Variants in SGCD observed in about 807,000 individuals in gnomAD.
SGCD encodes sarcoglycan delta.
In SGCD, 18 loss-of-function variants were observed where a neutral mutation model predicts 36.6. The ratio of observed to expected loss-of-function variants is 0.49; its 90% CI spans 0.34 to 0.73. The LOEUF is 0.73. Among genes scored for constraint, SGCD ranks in the 30% least tolerant of loss-of-function variants. The pLI, the probability that SGCD is intolerant of heterozygous loss-of-function variation, is 0.01. For missense variants in SGCD, 387 were observed against 346.7 expected (o/e 1.12, Z -0.92); for synonymous variants, 133 against 130.6 (o/e 1.02, Z -0.12).
At chr5:156,070,899 A>G (rs1414723935) in intron 1 of SGCD, among the ~76,000 whole-genome samples, 1 of 151,958 alleles carries the variant, frequency 6.6e-6, no homozygotes, top group Non-Finnish European at 1.5e-5. Context: ...TTTCTTCTAG[A>G]TTTTCTAGTT....
intron 3 of SGCD, among the ~76,000 whole-genome samples, chr5:156,286,976 T>C (rs960725641): frequency 2.6e-5 from 4 of 152,108 alleles, no homozygotes; most frequent in African/African-American, 7.2e-5. Context: ...TCTGTGTTAA[T>C]GGACAGATGC....
chr5:156,488,294 G>T (rs1486490961), intron 3 of SGCD, among the ~76,000 whole-genome samples: 1 of 151,726 alleles, frequency 6.6e-6, no homozygotes, highest in Non-Finnish European at 1.5e-5. Context: ...TTTACAAAAG[G>T]TGTAAGCATC....
chr5:156,269,583 A>G, intron 3 of SGCD, among the ~76,000 whole-genome samples: 1 of 148,536 alleles, frequency 6.7e-6, no homozygotes. Flanking sequence ...TGATTCAACT[A>G]CCTCCCACTG....
chr5:156,473,576 C>T (rs77181257), intron 3 of SGCD, among the ~76,000 whole-genome samples: 2,963 of 152,288 alleles, frequency 0.019, 33 homozygotes, highest in Non-Finnish European at 0.032. Context: ...GAACCATAGA[C>T]GAGGGGACTA....
chr5:156,371,650 AC>A (rs1770393113), intron 3 of SGCD, among the ~76,000 whole-genome samples: 1 of 152,174 alleles, frequency 6.6e-6, no homozygotes, highest in Non-Finnish European at 1.5e-5. Context: ...TGCCTTTAGA[AC>A]CACGTTTGTG....
chr5:156,466,285 A>G (rs1281726664), intron 3 of SGCD, among the ~76,000 whole-genome samples: 1 of 152,214 alleles, frequency 6.6e-6, no homozygotes, highest in Non-Finnish European at 1.5e-5. Flanking sequence ...AGGCTTCTAC[A>G]AAGACTCTAG....
chr5:156,603,139 T>C (rs1188264781), intron 6 of SGCD, among the ~76,000 whole-genome samples: 1 of 152,096 alleles, frequency 6.6e-6, no homozygotes, highest in Non-Finnish European at 1.5e-5. Flanking sequence ...TCTGTTCCCA[T>C]TGTCTATTTC....
chr5:156,534,604 G>A (rs891999141), intron 4 of SGCD, among the ~76,000 whole-genome samples: 2 of 152,126 alleles, frequency 1.3e-5, no homozygotes, highest in African/African-American at 4.8e-5. Context: ...CTTGCATCAA[G>A]GTGCTTGTGA....
At chr5:156,333,184 A>T (rs1277873474) in intron 2 of SGCD, among the ~76,000 whole-genome samples, 1 of 152,222 alleles carries the variant, frequency 6.6e-6, no homozygotes, top group Non-Finnish European at 1.5e-5. Flanking sequence ...CACAATTGTC[A>T]AGGGAGAATC....
intron 1 of SGCD, among the ~76,000 whole-genome samples, chr5:155,975,629 T>C (rs1758098711): frequency 1.0e-5 from 1 of 98,578 alleles, no homozygotes; most frequent in Non-Finnish European, 2.0e-5. Context: ...TTTTTTTTTT[T>C]TTTTTTTTTT....
intron 3 of SGCD, among the ~76,000 whole-genome samples, chr5:156,152,725 G>T (rs979728424): frequency 6.6e-6 from 1 of 151,560 alleles, no homozygotes. Flanking sequence ...CTGACTACTA[G>T]AAAGTTTAAA....
chr5:156,197,270 G>A (rs183897043), intron 3 of SGCD, among the ~76,000 whole-genome samples: 2 of 152,112 alleles, frequency 1.3e-5, no homozygotes, highest in South Asian at 2.1e-4. Context: ...ATAATGTTCC[G>A]TTGACACTGC....
chr5:156,697,997 T>G (rs80156653), intron 7 of SGCD, among the ~76,000 whole-genome samples: 1,666 of 152,276 alleles, frequency 0.011, 29 homozygotes, highest in East Asian at 0.046. Flanking sequence ...AATCTTAATT[T>G]TTTTGAGTAG....
intron 6 of SGCD, among the ~76,000 whole-genome samples, chr5:156,605,613 G>A (rs1283676187): frequency 6.6e-6 from 1 of 152,176 alleles, no homozygotes. Flanking sequence ...AGATCCCTGA[G>A]GAATCGCCAC....
chr5:155,861,345 A>G, the SGCD span, among the ~76,000 whole-genome samples: 16 of 152,142 alleles, frequency 1.1e-4, no homozygotes, highest in Admixed American at 1.0e-3. Flanking sequence ...TTTAACTTCC[A>G]GCACCTTGCA....
chr5:156,590,724 A>C (rs1179304396), intron 5 of SGCD, among the ~76,000 whole-genome samples: 1 of 151,900 alleles, frequency 6.6e-6, no homozygotes. Context: ...TATTCAGCAA[A>C]AGAGTGAGTC....
At chr5:156,602,545 G>A (rs988452186) in intron 6 of SGCD, among the ~76,000 whole-genome samples, 17 of 152,188 alleles carry the variant, frequency 1.1e-4, no homozygotes, top group African/African-American at 3.9e-4. Context: ...TGATATTAGA[G>A]GGAACTTCCC....
rs535536003 is a variant in SGCD, at chr5:155,911,317, G to A, written c.-282+40893G>A. Reference sequence around the variant, plus strand: ...TATGTGTGTGTGTGTGTGTGTGTGTGTGTATATATATATATATATTTCCCC... The same window carrying A: ...TATGTGTGTGTGTGTGTGTGTGTGTATGTATATATATATATATATTTCCCC... On this transcript the variant is annotated intron_variant, in intron 1 of 9. Coordinates refer to the SGCD transcript ENST00000517913. 3.3e-3 allele frequency among the ~76,000 whole-genome samples: 402 copies of A among 121,670 alleles called. 3 individuals are homozygous for A. Among genetic ancestry groups the A allele is most frequent in the African/African-American group, 0.012 (379 of 31,906 alleles). 79.8% of individuals were successfully genotyped at this position (121,670 alleles called of 152,430 possible). A position where few individuals can be genotyped will look rare whatever the true frequency, so the allele number is the denominator to read the frequency against.
intron 7 of SGCD, among the ~76,000 whole-genome samples, chr5:156,703,614 G>A (rs1407832742): frequency 2.0e-5 from 3 of 152,086 alleles, no homozygotes; most frequent in Admixed American, 2.0e-4. Flanking sequence ...ACTAAGAAAT[G>A]AATCATTTAT....
Sources: gnomAD v4.1 joint callset for allele counts (sites outside exome capture counted in the v4.1 genomes callset) on GRCh38, gnomAD v4.1.1 for gene constraint, MANE v1.5 for transcripts, NCBI Gene and HGNC (gene_info 2026-07-23, HGNC 2026-07-21) for gene names.